Variants in ZNF695 observed in about 807,000 individuals in gnomAD.
ZNF695 encodes zinc finger protein 695.
ZNF695 carries 11 observed loss-of-function variants against 11.2 expected under a neutral mutation model. That is an observed-to-expected ratio of 0.98 (90% CI 0.62 to 1.62). ZNF695 has a LOEUF of 1.62. ZNF695 is among the 40% of genes most tolerant of loss of function. ZNF695 has a pLI of 0.00. For missense variants in ZNF695, 559 were observed against 590.5 expected, an observed-to-expected ratio of 0.95 and a Z score of 0.55; for synonymous variants, 190 against 201.4, an observed-to-expected ratio of 0.94 and a Z score of 0.48.
intron 1 of ZNF695, among the ~76,000 whole-genome samples, chr1:247,005,114 C>G (rs536639950): frequency 9.9e-5 from 15 of 152,184 alleles, no homozygotes; most frequent in African/African-American, 3.4e-4. Flanking sequence ...CCACAAAAGA[C>G]TAAGAATAGC....
chr1:246,958,957 T>G (rs561081356), intron 5 of ZNF695, among the ~76,000 whole-genome samples: 31 of 151,934 alleles, frequency 2.0e-4, no homozygotes, highest in Non-Finnish European at 4.3e-4. Context: ...TCAGATACTG[T>G]AAATTATCCT....
chr1:246,995,614 G>A (rs79402371), intron 3 of ZNF695, among the ~76,000 whole-genome samples: 1,907 of 152,042 alleles, frequency 0.013, 41 homozygotes, highest in African/African-American at 0.044. Flanking sequence ...TGGATCACCT[G>A]AGGTTATGAG....
rs562459963 is a variant in ZNF695, at chr1:247,008,030, G to A, written c.-122C>T. Reference sequence around the variant, plus strand: ...CCGAGAGGCAGCAGACGGGAACCCAGCACCCCGCCGGCCGCAAGGAGACAA... The same window carrying A: ...CCGAGAGGCAGCAGACGGGAACCCAACACCCCGCCGGCCGCAAGGAGACAA... On this transcript the variant is annotated 5_prime_UTR_variant, in exon 1 of 4. Transcript: ENST00000339986. The A allele has an allele frequency of 1.6e-5, 19 of 1,161,682 alleles. No homozygotes were observed. The South Asian group carries it at 3.2e-4, about 19-fold the overall frequency. The allele number at this position is 1,161,682 out of a possible 1,614,324, so 72.0% of individuals were successfully genotyped here.
chr1:246,971,354 G>A (rs139596432), intron 4 of ZNF695, among the ~76,000 whole-genome samples: 4,004 of 152,342 alleles, frequency 0.026, 79 homozygotes, highest in East Asian at 0.083. Context: ...TGTGACCGCT[G>A]AAGCACAGCA....
At position 247,005,717 on chromosome 1, in the gene ZNF695, C is replaced by A. The variant is rs551133759; in HGVS notation, c.3+2189G>T. Among the ~76,000 whole-genome samples the A allele has an allele frequency of 1.3e-4, 19 of 151,892 alleles. No homozygotes were observed. In the East Asian group the frequency reaches 3.1e-3, roughly 25 times the overall value. ...CAAAAAAAACGATAAAAAACAACAA[C>A]AAAAAAACTTGGCCCCCGTCTCTAG... is the stretch of plus-strand genomic sequence containing the variant. On this transcript the variant is annotated intron_variant, in intron 1 of 3. Transcript: ENST00000339986.
At chr1:246,945,819 G>C in exon 6 of ZNF695, 2 of 1,550,088 alleles carry the variant, frequency 1.3e-6, no homozygotes, top group Non-Finnish European at 1.7e-6. Context: ...GATGGTCGAC[G>C]ACTGGACCCT....
chr1:246,996,659 T>C (rs1324186331), intron 3 of ZNF695, among the ~76,000 whole-genome samples: 1 of 152,184 alleles, frequency 6.6e-6, no homozygotes, highest in African/African-American at 2.4e-5. Context: ...TTATTATGCA[T>C]TGCATGCCTG....
intron 3 of ZNF695, among the ~76,000 whole-genome samples, chr1:246,992,955 A>G (rs1273955843): frequency 6.6e-6 from 1 of 152,206 alleles, no homozygotes; most frequent in African/African-American, 2.4e-5. Context: ...TACACAGAGT[A>G]CTGAATGGAA....
At position 246,986,210 on chromosome 1, in the gene ZNF695, A is replaced by G. The variant is rs772300616; in HGVS notation, c.*757T>C. ...GAGCCTTCCAAGTAGCTGGGACAAC[A>G]GGCATGTGCCACCAAGCCTGGCTTT... On this transcript the variant is annotated 3_prime_UTR_variant, in exon 4 of 4. Transcript: ENST00000339986. 1.9e-5 allele frequency: 9 copies of G among 483,256 alleles called. No homozygotes were observed. The highest frequency in any genetic ancestry group is 2.2e-5 in the Non-Finnish European group (8 of 371,320). The allele number at this position is 483,256 out of a possible 1,614,324, so 29.9% of individuals were successfully genotyped here. A position where few individuals can be genotyped will look rare whatever the true frequency, so the allele number is the denominator to read the frequency against.
At chr1:246,955,341 G>T (rs1558302930) in intron 5 of ZNF695, among the ~76,000 whole-genome samples, 1 of 152,104 alleles carries the variant, frequency 6.6e-6, no homozygotes, top group African/African-American at 2.4e-5. Flanking sequence ...ATCACACAAT[G>T]GTAAGTATTT....
intron 5 of ZNF695, among the ~76,000 whole-genome samples, chr1:246,958,300 T>C (rs541254598): frequency 1.8e-4 from 28 of 152,122 alleles, no homozygotes; most frequent in South Asian, 6.2e-4. Flanking sequence ...CCTCGTGATC[T>C]GCCCTCCTCG....
At chr1:247,007,874 C>G (rs771375479) in intron 1 of ZNF695, 32 bp downstream of exon 1, 1 of 1,540,576 alleles carries the variant, frequency 6.5e-7, no homozygotes, top group South Asian at 1.2e-5. Flanking sequence ...ACCCCCTCTC[C>G]CTTCTCGGGA....
rs375803646 is a variant in ZNF695 at position 246,976,587 on chromosome 1, G to A, written c.391-8795C>T. ...AGGCGGGCAGATCACGAGGTGAGGA[G>A]ATCGAGACCATCCTGGCTAACACGG... On this transcript the variant is annotated intron_variant, in intron 4 of 5. Coordinates refer to the ZNF695 transcript ENST00000487338. Among the ~76,000 whole-genome samples, 78 of 151,810 alleles carry A rather than the reference G, an allele frequency of 5.1e-4. 1 individual carries two copies. The highest frequency in any genetic ancestry group is 1.7e-3 in the African/African-American group (69 of 41,366).
rs756265755 is a variant in ZNF695 at position 246,987,603 on chromosome 1, G to C, written c.912C>G (p.Ser304=). The change falls in exon 4 of 4, where the codon TCC becomes TCG. Residue 304 remains serine (S), a synonymous_variant. Transcript: ENST00000339986. ...KPYKCEECGK[S]FKLFPYLTQH... ...GAGTAAGGTATGGGAACAACTTAAA[G>C]GATTTGCCACATTCTTCACATTTGT... 2 of 1,600,142 alleles carry C rather than the reference G, an allele frequency of 1.2e-6. No homozygotes were observed. Among genetic ancestry groups the C allele is most frequent in the Non-Finnish European group, 1.7e-6 (2 of 1,174,992 alleles).
intron 2 of ZNF695, 86 bp from the exon 3 acceptor site, chr1:246,999,526 A>G: frequency 9.8e-7 from 1 of 1,019,142 alleles, no homozygotes; most frequent in Non-Finnish European, 1.5e-6. Context: ...AGAAAACATC[A>G]CATTAGATCC....
intron 5 of ZNF695, among the ~76,000 whole-genome samples, chr1:246,964,004 T>C (rs567509513): frequency 1.3e-5 from 2 of 152,290 alleles, no homozygotes; most frequent in Middle Eastern, 6.8e-3. Context: ...AACCACTTTA[T>C]TTATGTTCAC....
intron 3 of ZNF695, 90 bp downstream of exon 3, chr1:246,999,256 GGA>G (rs1397800732): frequency 1.0e-6 from 1 of 993,868 alleles, no homozygotes; most frequent in Non-Finnish European, 1.6e-6. Context: ...CCATTTCCTG[GGA>G]GTAGAGCTTC....
downstream of ZNF695, among the ~76,000 whole-genome samples, chr1:246,984,511 C>T (rs1485324169): frequency 6.6e-6 from 1 of 152,064 alleles, no homozygotes; most frequent in East Asian, 1.9e-4. Context: ...AACTTCACTC[C>T]AAAAAGAATA....
rs1668863204 is a variant in ZNF695, at chr1:246,986,815, C to T, written c.*152G>A. ...CTATTTGTATTGTTCGTAGCCTAAACATTTTAGTGCACTCAAAGGCTCATA... is the reference window on the plus strand; with the variant it reads ...CTATTTGTATTGTTCGTAGCCTAAATATTTTAGTGCACTCAAAGGCTCATA... On this transcript the variant is annotated 3_prime_UTR_variant, in exon 4 of 4. Transcript: ENST00000339986. The T allele has an allele frequency of 2.8e-6, 4 of 1,405,900 alleles. No individual in the cohort carries two copies. Among genetic ancestry groups the T allele is most frequent in the Non-Finnish European group, 1.8e-6 (2 of 1,084,858 alleles). The allele number at this position is 1,405,900 out of a possible 1,614,324, so 87.1% of individuals were successfully genotyped here. A position where few individuals can be genotyped will look rare whatever the true frequency, so the allele number is the denominator to read the frequency against.
Sources: gnomAD v4.1 joint callset for allele counts (sites outside exome capture counted in the v4.1 genomes callset) on GRCh38, gnomAD v4.1.1 for gene constraint, MANE v1.5 for transcripts, NCBI Gene and HGNC (gene_info 2026-07-23, HGNC 2026-07-21) for gene names.